Variants in ATRNL1 observed in about 807,000 individuals in gnomAD.
ATRNL1 encodes the protein attractin like 1, also known as attractin-like protein 1.
A neutral mutation model predicts 182.7 loss-of-function variants in ATRNL1; 95 were observed. That is an observed-to-expected ratio of 0.52 (90% CI 0.44 to 0.62). ATRNL1 has a LOEUF of 0.62. Ranked by LOEUF, ATRNL1 falls within the 20% of genes least tolerant of loss-of-function variation. The pLI, the probability that ATRNL1 is intolerant of heterozygous loss-of-function variation, is 0.00. For missense variants in ATRNL1, 1,471 were observed against 1,679.5 expected (o/e 0.88, Z 2.17); for synonymous variants, 576 against 568.3 (o/e 1.01, Z -0.19).
At chr10:115,189,404 C>T (rs1030847438) in intron 8 of ATRNL1, among the ~76,000 whole-genome samples, 8 of 151,980 alleles carry the variant, frequency 5.3e-5, no homozygotes, top group African/African-American at 1.9e-4. Context: ...GCATTATTAT[C>T]ATAGGAGATG....
intron 26 of ATRNL1, among the ~76,000 whole-genome samples, chr10:115,617,250 A>G (rs1857481031): frequency 6.6e-6 from 1 of 152,188 alleles, no homozygotes; most frequent in Non-Finnish European, 1.5e-5. Context: ...TCAGACTTGC[A>G]TGGGGCCTGT....
intron 21 of ATRNL1, among the ~76,000 whole-genome samples, chr10:115,455,346 T>C (rs1847469884): frequency 6.6e-6 from 1 of 152,124 alleles, no homozygotes; most frequent in Non-Finnish European, 1.5e-5. Flanking sequence ...TCTACAACCA[T>C]CTGATCTTTG....
intron 26 of ATRNL1, among the ~76,000 whole-genome samples, chr10:115,693,625 T>G (rs1293095141): frequency 6.6e-6 from 1 of 152,126 alleles, no homozygotes; most frequent in Non-Finnish European, 1.5e-5. Context: ...GAAACCCAGA[T>G]AGGATAGCCT....
intron 6 of ATRNL1, 41 bp from the exon 7 acceptor site, chr10:115,165,517 G>A (rs1592197997): frequency 2.5e-6 from 3 of 1,205,246 alleles, no homozygotes; most frequent in African/African-American, 1.5e-5. Context: ...AAACAAAAAT[G>A]AATCTTAGCT....
At chr10:115,134,264 G>T (rs1845398981) in intron 5 of ATRNL1, among the ~76,000 whole-genome samples, 1 of 152,048 alleles carries the variant, frequency 6.6e-6, no homozygotes, top group Non-Finnish European at 1.5e-5. Flanking sequence ...TTTTTGAAAA[G>T]ATCAACAAAA....
rs112450176 is a variant in ATRNL1, at chr10:115,239,475, G to A, written c.1533-2096G>A. 5.7e-3 allele frequency among the ~76,000 whole-genome samples: 863 copies of A among 152,042 alleles called. 6 individuals carry two copies. Among genetic ancestry groups the A allele is most frequent in the Non-Finnish European group, 8.8e-3 (601 of 67,952 alleles). The stretch of plus-strand genomic sequence containing the variant: ...TCTGGAACTCCTGACATCGTGATTC[G>A]CCCACTTCGGCCTCCCAAAGTGCTG... On this transcript the variant is annotated intron_variant, in intron 9 of 28. Transcript: ENST00000355044.
At chr10:115,738,947 A>G (rs1324254123) in intron 27 of ATRNL1, among the ~76,000 whole-genome samples, 1 of 152,104 alleles carries the variant, frequency 6.6e-6, no homozygotes, top group African/African-American at 2.4e-5. Context: ...TCACTGAGTC[A>G]AAAGCTAAAT....
chr10:115,383,596 C>A (rs1554951788), intron 19 of ATRNL1, among the ~76,000 whole-genome samples: 6 of 151,778 alleles, frequency 4.0e-5, no homozygotes, highest in Non-Finnish European at 8.8e-5. Context: ...AAGATTGATA[C>A]CTTTCCAAAT....
chr10:115,687,180 A>T (rs1487227847), intron 26 of ATRNL1, among the ~76,000 whole-genome samples: 1 of 152,084 alleles, frequency 6.6e-6, no homozygotes. Context: ...CTATAATTAT[A>T]CATATAATTG....
chr10:115,714,855 A>G (rs1183141821), intron 26 of ATRNL1, among the ~76,000 whole-genome samples: 1 of 152,238 alleles, frequency 6.6e-6, no homozygotes, highest in Non-Finnish European at 1.5e-5. Context: ...TTAAGTGTGA[A>G]ATATATAGAA....
intron 26 of ATRNL1, among the ~76,000 whole-genome samples, chr10:115,649,030 TA>T (rs1859813903): frequency 6.6e-6 from 1 of 152,252 alleles, no homozygotes; most frequent in Admixed American, 6.5e-5. Flanking sequence ...TCTTCATCCA[TA>T]AATCAAGGAG....
rs139887131 is a variant in ATRNL1 at position 115,483,781 on chromosome 10, T to G, written c.3654+14452T>G. ...CATTTTACTTATGATTTTTAAAGCA[T>G]TTTATATGCTAGGTCAATGTTTTTG... On this transcript the variant is annotated intron_variant, in intron 24 of 28. Coordinates refer to ENST00000355044, the MANE Select transcript of ATRNL1 (RefSeq NM_207303.4). Among the ~76,000 whole-genome samples, 829 of 151,800 alleles carry G rather than the reference T, an allele frequency of 5.5e-3. 2 individuals carry two copies. The highest frequency in any genetic ancestry group is 6.9e-3 in the Non-Finnish European group (468 of 67,688).
At chr10:115,880,589 A>C (rs1951804387) in intron 28 of ATRNL1, among the ~76,000 whole-genome samples, 1 of 152,156 alleles carries the variant, frequency 6.6e-6, no homozygotes, top group Non-Finnish European at 1.5e-5. Flanking sequence ...TCACCACTGC[A>C]CTCCAGCCTG....
In ATRNL1 at chr10:115,664,268, G is replaced by A. The variant is rs533382767; in HGVS notation, c.3796-62980G>A. ...CATGGCTGAGTCAGATATTCAGAAC[G>A]TGTGTTTTAAAAGTAGTAACAGCTT... is the stretch of plus-strand genomic sequence containing the variant. On this transcript the variant is annotated intron_variant, in intron 26 of 28. Coordinates refer to ENST00000355044, the MANE Select transcript of ATRNL1 (RefSeq NM_207303.4). Among the ~76,000 whole-genome samples, 5 of 152,280 alleles carry A rather than the reference G, an allele frequency of 3.3e-5. No homozygotes were observed. The East Asian group carries it at 5.8e-4, about 18-fold the overall frequency.
At position 115,121,704 on chromosome 10, in the gene ATRNL1, A is replaced by T; in HGVS notation, c.383A>T (p.Asn128Ile). The T allele has an allele frequency of 1.4e-6, 2 of 1,465,892 alleles. No homozygotes were observed. The highest frequency in any genetic ancestry group is 2.7e-5 in the South Asian group (2 of 72,890). 90.8% of individuals were successfully genotyped at this position (1,465,892 alleles called of 1,614,324 possible). ...TATTTCATATTCATTTTCAGTCCAA[A>T]TGCAGTGTTAAGATTAAGATTCAAT... Reference protein sequence around the residue: ...KCTWLIEGYPNAVLRLRFNHF... With the variant: ...KCTWLIEGYPIAVLRLRFNHF... Residue 128 changes from asparagine (N) to isoleucine (I), a missense_variant, in exon 3 of 29, where the codon AAT becomes ATT. This residue lies in a region of ATRNL1 where 1,031 missense variants were observed against 1,156.0 expected (regional missense o/e 0.89). Coordinates refer to ENST00000355044, the MANE Select transcript of ATRNL1 (RefSeq NM_207303.4).
At chr10:115,490,457 T>G (rs1849244401) in intron 24 of ATRNL1, among the ~76,000 whole-genome samples, 1 of 152,150 alleles carries the variant, frequency 6.6e-6, no homozygotes, top group Non-Finnish European at 1.5e-5. Context: ...TCTTCTGGCT[T>G]TATTTCTTTG....
chr10:115,527,132 C>T (rs1554986767), intron 25 of ATRNL1, among the ~76,000 whole-genome samples: 9 of 45,994 alleles, frequency 2.0e-4, no homozygotes, highest in Non-Finnish European at 2.2e-4. Flanking sequence ...TTTTTTTTTC[C>T]CCCCCGAGAT....
At chr10:115,830,597 A>G (rs1950537166) in intron 27 of ATRNL1, among the ~76,000 whole-genome samples, 1 of 152,176 alleles carries the variant, frequency 6.6e-6, no homozygotes, top group Non-Finnish European at 1.5e-5. Flanking sequence ...GTTCAGATGT[A>G]GATCCTCTGT....
intron 19 of ATRNL1, among the ~76,000 whole-genome samples, chr10:115,393,874 AAAGT>A (rs1420210537): frequency 6.6e-6 from 1 of 152,106 alleles, no homozygotes; most frequent in African/African-American, 2.4e-5. Context: ...AAAGGATTGC[AAAGT>A]AAGAAAAGGA....
Sources: gnomAD v4.1 joint callset for allele counts (sites outside exome capture counted in the v4.1 genomes callset) on GRCh38, gnomAD v4.1.1 for gene constraint, gnomAD v4.1.1 regional missense constraint, MANE v1.5 for transcripts, NCBI Gene and HGNC (gene_info 2026-07-23, HGNC 2026-07-21) for gene names.